Variants in TTC7A observed in about 807,000 individuals in gnomAD.
The protein encoded by TTC7A is tetratricopeptide repeat domain 7A.
Under a neutral mutation model 103.7 loss-of-function variants are expected in TTC7A, and 110 were observed. That is an observed-to-expected ratio of 1.06 (90% confidence interval 0.91 to 1.24). The LOEUF (loss-of-function observed/expected upper bound fraction) is 1.24. TTC7A is among the 50% of genes most tolerant of loss of function. The pLI, the probability that TTC7A is intolerant of heterozygous loss-of-function variation, is 0.00. For synonymous variants in TTC7A, 521 were observed against 467.9 expected, an observed-to-expected ratio of 1.11 and a Z score of -1.47; for missense variants, 1,340 against 1,116.3, an observed-to-expected ratio of 1.20 and a Z score of -2.86.
chr2:46,976,470 G>C (rs549984098), intron 4 of TTC7A, among the ~76,000 whole-genome samples: 1 of 152,340 alleles, frequency 6.6e-6, no homozygotes, highest in East Asian at 1.9e-4. Flanking sequence ...GGAGGAGGTG[G>C]TCATGGGCCG....
At chr2:47,064,335 G>A (rs1444930193) in intron 19 of TTC7A, among the ~76,000 whole-genome samples, 1 of 152,256 alleles carries the variant, frequency 6.6e-6, no homozygotes, top group African/African-American at 2.4e-5. Flanking sequence ...CAGTCTGCCA[G>A]TGTGGTCCCA....
intron 5 of TTC7A, among the ~76,000 whole-genome samples, chr2:46,980,307 C>T (rs991460097): frequency 5.3e-5 from 8 of 149,674 alleles, no homozygotes; most frequent in Admixed American, 1.3e-4. Flanking sequence ...GTACCTCCTG[C>T]GTTCTGGGCT....
chr2:47,039,040 G>A (rs190223901), intron 15 of TTC7A, among the ~76,000 whole-genome samples: 3 of 152,208 alleles, frequency 2.0e-5, no homozygotes, highest in Admixed American at 6.5e-5. Flanking sequence ...GGTGACATGC[G>A]CCAGGCACAG....
At chr2:46,983,665 C>T (rs1674713754) in intron 5 of TTC7A, among the ~76,000 whole-genome samples, 1 of 152,250 alleles carries the variant, frequency 6.6e-6, no homozygotes, top group Admixed American at 6.5e-5. Flanking sequence ...GGCCTGCCGC[C>T]ACTTTTCTTG....
Position 46,941,764 on chromosome 2 carries a change from C to T in TTC7A, c.184+39C>T, listed in dbSNP as rs1437848853. On this transcript the variant is annotated intron_variant, in intron 1 of 19. Transcript: ENST00000319190. The surrounding 1 kb of genome is among the most constrained non-coding windows in gnomAD (Gnocchi z 4.2). ...GAGGCTGGCTCGCCGGCAGCGAGCG[C>T]GCGAAACGCACCGCCTCCTCCAGGA... 6.5e-7 allele frequency: 1 copy of T among 1,546,504 alleles called. No individual in the cohort carries two copies. The highest frequency in any genetic ancestry group is 1.2e-5 in the South Asian group (1 of 83,818).
At chr2:47,024,243 C>T in intron 13 of TTC7A, 44 bp from the exon 14 acceptor site, 3 of 1,542,540 alleles carry the variant, frequency 1.9e-6, no homozygotes, top group Non-Finnish European at 2.6e-6. Flanking sequence ...ACGTTGGTCA[C>T]TCAACCCCTG....
At chr2:47,029,186 T>G (rs746096064) in intron 14 of TTC7A, 38 bp from the exon 15 acceptor site, 1 of 1,609,528 alleles carries the variant, frequency 6.2e-7, no homozygotes, top group South Asian at 1.1e-5. Context: ...GGGCAGCATG[T>G]GCCTGGGGAA....
intron 5 of TTC7A, among the ~76,000 whole-genome samples, chr2:46,989,129 C>T (rs891063463): frequency 4.6e-5 from 7 of 152,226 alleles, no homozygotes; most frequent in Non-Finnish European, 7.3e-5. Context: ...CAGCCGCTTG[C>T]ACATCCCACC....
chr2:46,985,019 C>A lies in TTC7A; in HGVS notation c.764+6112C>A, dbSNP rs1387424798. Among the ~76,000 whole-genome samples, 3 of 152,180 alleles carry A rather than the reference C, an allele frequency of 2.0e-5. No homozygotes were observed. In the East Asian group the frequency reaches 5.8e-4, roughly 29 times the overall value. ...GGATGTCTCCTTGCAGGTGGTCCCA[C>A]CCTCCCTAGAGCCTGCTTCCCCCTG... On this transcript the variant is annotated intron_variant, in intron 5 of 19. Transcript: ENST00000319190.
At chr2:46,923,662 C>G (rs1271856419) in intron 2 of TTC7A, among the ~76,000 whole-genome samples, 1 of 152,046 alleles carries the variant, frequency 6.6e-6, no homozygotes, top group Non-Finnish European at 1.5e-5. Context: ...GAGGCCGAGA[C>G]AGGAGAATCG....
chr2:46,997,449 A>G (rs1436552504), intron 8 of TTC7A, among the ~76,000 whole-genome samples: 1 of 152,188 alleles, frequency 6.6e-6, no homozygotes, highest in Non-Finnish European at 1.5e-5. Context: ...CCAATTTTCA[A>G]TTGTTTATGA....
intron 2 of TTC7A, among the ~76,000 whole-genome samples, chr2:46,925,205 C>T (rs569961277): frequency 1.9e-4 from 29 of 152,298 alleles, no homozygotes; most frequent in African/African-American, 6.3e-4. Context: ...ATCTTCCCAC[C>T]TCAGCATCCT....
chr2:47,013,587 C>T (rs930565104), intron 11 of TTC7A, among the ~76,000 whole-genome samples: 2 of 152,212 alleles, frequency 1.3e-5, no homozygotes, highest in Non-Finnish European at 2.9e-5. Flanking sequence ...TCCACCCAGC[C>T]AACGGCCGCC....
At chr2:47,021,658 T>C (rs1264050452) in intron 11 of TTC7A, among the ~76,000 whole-genome samples, 1 of 152,210 alleles carries the variant, frequency 6.6e-6, no homozygotes, top group Non-Finnish European at 1.5e-5. Flanking sequence ...TGGCCCAAAC[T>C]GGCCCGGTCT....
intron 11 of TTC7A, among the ~76,000 whole-genome samples, chr2:47,019,644 A>G (rs1244565705): frequency 2.0e-5 from 3 of 152,152 alleles, no homozygotes; most frequent in East Asian, 3.9e-4. Flanking sequence ...AATATGATGT[A>G]TATGAACTGG....
intron 5 of TTC7A, among the ~76,000 whole-genome samples, chr2:46,986,430 A>AG (rs1675017081): frequency 6.6e-6 from 1 of 152,022 alleles, no homozygotes; most frequent in Non-Finnish European, 1.5e-5. Context: ...AGCTATGGCC[A>AG]GGAGGAGGTC....
rs1180141952 is a variant in TTC7A at position 47,074,905 on chromosome 2, C to T, written c.*982C>T. On this transcript the variant is annotated 3_prime_UTR_variant, in exon 20 of 20. Coordinates refer to ENST00000319190, the MANE Select transcript of TTC7A (RefSeq NM_020458.4). The stretch of plus-strand genomic sequence containing the variant: ...GGCCTGGGGGCTGTGGGTGTATGTC[C>T]TCCCTACTGGCTTCCCCGGCCCCTG... 1.3e-5 allele frequency: 2 copies of T among 152,288 alleles called. No individual in the cohort carries two copies. The highest frequency in any genetic ancestry group is 2.9e-5 in the Non-Finnish European group (2 of 68,122). The allele number at this position is 152,288 out of a possible 1,614,324, so 9.4% of individuals were successfully genotyped here. A position where few individuals can be genotyped will look rare whatever the true frequency, so the allele number is the denominator to read the frequency against.
intron 5 of TTC7A, among the ~76,000 whole-genome samples, chr2:46,991,029 C>T (rs1246653945): frequency 6.6e-6 from 1 of 152,192 alleles, no homozygotes; most frequent in Non-Finnish European, 1.5e-5. Flanking sequence ...TCTCCTGCCT[C>T]AGCTTCCCGA....
intron 15 of TTC7A, among the ~76,000 whole-genome samples, chr2:47,041,280 A>G (rs532687135): frequency 6.6e-6 from 1 of 152,338 alleles, no homozygotes; most frequent in African/African-American, 2.4e-5. Context: ...CTCCAGGACT[A>G]GGCAGATACT....
Sources: allele counts gnomAD v4.1 joint callset (sites outside exome capture counted in the v4.1 genomes callset), GRCh38; gene constraint gnomAD v4.1.1; non-coding constraint Gnocchi (gnomAD v3.1); transcripts MANE v1.5; gene names NCBI Gene and HGNC (gene_info 2026-07-23, HGNC 2026-07-21).